BPNT1: variants seen among roughly 807,000 people sequenced by gnomAD.
The protein encoded by BPNT1 is 3'(2'),5'-bisphosphate nucleotidase 1.
A neutral mutation model predicts 36.9 loss-of-function variants in BPNT1; 28 were observed. The observed-to-expected ratio is 0.76, with a 90% CI of 0.56 to 1.04. The LOEUF (loss-of-function observed/expected upper bound fraction) is 1.04, where lower values mean the gene tolerates loss of function less well. Ranked by LOEUF, BPNT1 falls within the 50% of genes least tolerant of loss-of-function variation. BPNT1 has a pLI of 0.00. For synonymous variants in BPNT1, 119 were observed against 130.9 expected, an observed-to-expected ratio of 0.91 and a Z score of 0.62; for missense variants, 313 against 372.9, an observed-to-expected ratio of 0.84 and a Z score of 1.32.
chr1:220,077,199 C>A (rs1664628632), intron 2 of BPNT1, among the ~76,000 whole-genome samples: 1 of 152,066 alleles, frequency 6.6e-6, no homozygotes, highest in South Asian at 2.1e-4. Flanking sequence ...TATGAATGCA[C>A]CTAATCATGG....
At position 220,062,740 on chromosome 1, in the gene BPNT1, A is replaced by G. The variant is rs768535106; in HGVS notation, c.672+17T>C. On this transcript the variant is annotated intron_variant, in intron 7 of 8. Transcript: ENST00000322067. ...ATTCACTTGCACTTCAGAGCAGATGACAGACATTTTTCATACCTTATTTCC... is the reference window on the plus strand; with the variant it reads ...ATTCACTTGCACTTCAGAGCAGATGGCAGACATTTTTCATACCTTATTTCC... 6.2e-7 allele frequency: 1 copy of G among 1,613,110 alleles called. No homozygotes were observed. The highest frequency in any genetic ancestry group is 1.1e-5 in the South Asian group (1 of 91,064).
At chr1:220,084,459 T>C (rs146345698) in intron 1 of BPNT1, among the ~76,000 whole-genome samples, 108 of 152,346 alleles carry the variant, frequency 7.1e-4, no homozygotes, top group African/African-American at 2.4e-3. Flanking sequence ...ACTGGAAATG[T>C]GGTCTTTGGG....
chr1:220,073,364 C>G (rs1664250782), intron 3 of BPNT1, among the ~76,000 whole-genome samples: 1 of 151,964 alleles, frequency 6.6e-6, no homozygotes, highest in South Asian at 2.1e-4. Context: ...TCTCAGCTCA[C>G]TGCAACCTCC....
chr1:220,059,106 G>A lies in BPNT1; in HGVS notation c.779-114C>T, dbSNP rs534235234. ...ATCCAATAGTAGCCAATAAATTCTG[G>A]ATGAAATAATGAGTGTCCATAAAGG... is the stretch of plus-strand genomic sequence containing the variant. On this transcript the variant is annotated intron_variant, in intron 8 of 8. Coordinates refer to ENST00000322067, the MANE Select transcript of BPNT1 (RefSeq NM_006085.6). The A allele has an allele frequency of 9.7e-6, 10 of 1,034,320 alleles. No individual in the cohort carries two copies. The Admixed American group carries it at 1.3e-4, about 14-fold the overall frequency. 64.1% of individuals were successfully genotyped at this position (1,034,320 alleles called of 1,614,324 possible).
rs375400388 is a variant in BPNT1 at position 220,072,163 on chromosome 1, C to T, written c.333+687G>A. Reference sequence around the variant, plus strand: ...GGATCACGAGGTCAAGAGATCAAGACCATTCTGGCCAACATGGTGAAACCC... The same window carrying T: ...GGATCACGAGGTCAAGAGATCAAGATCATTCTGGCCAACATGGTGAAACCC... On this transcript the variant is annotated intron_variant, in intron 4 of 8. Transcript: ENST00000322067. 5.2e-4 allele frequency among the ~76,000 whole-genome samples: 78 copies of T among 150,678 alleles called. 1 individual carries two copies. Among genetic ancestry groups the T allele is most frequent in the African/African-American group, 1.8e-3 (73 of 41,190 alleles).
chr1:220,062,529 A>G (rs1426730971), intron 7 of BPNT1, among the ~76,000 whole-genome samples: 1 of 151,740 alleles, frequency 6.6e-6, no homozygotes, highest in East Asian at 1.9e-4. Context: ...ACATTTTCTT[A>G]ATCCAGTCTA....
chr1:220,062,736 G>A (rs1292981293), intron 7 of BPNT1, 21 bp downstream of exon 7: 2 of 1,612,284 alleles, frequency 1.2e-6, no homozygotes, highest in African/African-American at 1.3e-5. Context: ...CTTCAGAGCA[G>A]ATGACAGACA....
chr1:220,086,859 C>T (rs190546715), intron 1 of BPNT1, among the ~76,000 whole-genome samples: 3 of 151,632 alleles, frequency 2.0e-5, no homozygotes, highest in East Asian at 1.9e-4. Flanking sequence ...TGAGCCACTC[C>T]GCCCGGCCTG....
At chr1:220,079,663 T>A in intron 2 of BPNT1, 64 bp downstream of exon 2, 1 of 1,594,752 alleles carries the variant, frequency 6.3e-7, no homozygotes, top group Non-Finnish European at 8.6e-7. Context: ...CATTTTTATA[T>A]CATTTAGCTA....
intron 2 of BPNT1, among the ~76,000 whole-genome samples, chr1:220,078,450 TTATA>T (rs1294232626): frequency 7.3e-6 from 1 of 136,724 alleles, no homozygotes; most frequent in Non-Finnish European, 1.5e-5. Flanking sequence ...ATAATTATAC[TTATA>T]TATAAATAAT....
intron 1 of BPNT1, among the ~76,000 whole-genome samples, chr1:220,082,711 C>T (rs931491835): frequency 1.3e-5 from 2 of 151,284 alleles, no homozygotes; most frequent in Middle Eastern, 3.4e-3. Flanking sequence ...TTCAGCCTCC[C>T]GAGTAGCTGA....
intron 7 of BPNT1, among the ~76,000 whole-genome samples, chr1:220,060,173 A>C (rs1185400741): frequency 6.6e-6 from 1 of 152,126 alleles, no homozygotes; most frequent in Non-Finnish European, 1.5e-5. Flanking sequence ...CAACATCTAA[A>C]AAATTGACCA....
chr1:220,080,957 C>G (rs1015756422), intron 1 of BPNT1, among the ~76,000 whole-genome samples: 3 of 152,208 alleles, frequency 2.0e-5, no homozygotes, highest in African/African-American at 7.2e-5. Flanking sequence ...CCTTTAGAAT[C>G]AAGTACGTTG....
In BPNT1 at chr1:220,079,719, T is replaced by G; in HGVS notation, c.120+8A>C. 6.2e-7 allele frequency: 1 copy of G among 1,613,836 alleles called. No individual in the cohort carries two copies. The highest frequency in any genetic ancestry group is 8.5e-7 in the Non-Finnish European group (1 of 1,179,950). The stretch of plus-strand genomic sequence containing the variant: ...AGTTGGTATGAAATGATATGAGAGT[T>G]TGAGTACCTTCTCCACAATACCCAG... On this transcript the variant is annotated splice_region_variant and intron_variant, in intron 2 of 8. Coordinates refer to ENST00000322067, the MANE Select transcript of BPNT1 (RefSeq NM_006085.6).
intron 1 of BPNT1, among the ~76,000 whole-genome samples, chr1:220,083,580 G>C (rs903491873): frequency 1.3e-5 from 2 of 151,882 alleles, no homozygotes; most frequent in African/African-American, 4.8e-5. Flanking sequence ...CAAAGTGCTG[G>C]GATTACAGGT....
intron 7 of BPNT1, among the ~76,000 whole-genome samples, chr1:220,060,677 A>T (rs58990204): frequency 0.044 from 6,642 of 151,748 alleles, 378 homozygotes; most frequent in African/African-American, 0.13. Context: ...TTTTTTTTTT[A>T]AAAATATTTG....
chr1:220,087,585 T>G (rs2102790653), intron 1 of BPNT1, among the ~76,000 whole-genome samples: 1 of 152,006 alleles, frequency 6.6e-6, no homozygotes, highest in South Asian at 2.1e-4. Context: ...TAAATAAAAA[T>G]AAAATTAAAA....
At chr1:220,079,645 T>G in intron 2 of BPNT1, 82 bp downstream of exon 2, 2 of 1,546,586 alleles carry the variant, frequency 1.3e-6, no homozygotes, top group Non-Finnish European at 1.8e-6. Context: ...ACTGATAAAG[T>G]CTGTCCACAT....
chr1:220,058,234 G>A lies in BPNT1; in HGVS notation c.*610C>T. 1.0e-6 allele frequency: 1 copy of A among 990,998 alleles called. No homozygotes were observed. Among genetic ancestry groups the A allele is most frequent in the Non-Finnish European group, 1.2e-6 (1 of 832,776 alleles). The allele number at this position is 990,998 out of a possible 1,614,324, so 61.4% of individuals were successfully genotyped here. A position where few individuals can be genotyped will look rare whatever the true frequency, so the allele number is the denominator to read the frequency against. On this transcript the variant is annotated 3_prime_UTR_variant, in exon 9 of 9. Coordinates refer to ENST00000322067, the MANE Select transcript of BPNT1 (RefSeq NM_006085.6). Reference sequence around the variant, plus strand: ...AGGAATGTTCATTGAACATTGACCTGAACTGTCAATTGGAACTAAAGCTTT... The same window carrying A: ...AGGAATGTTCATTGAACATTGACCTAAACTGTCAATTGGAACTAAAGCTTT...
Sources: allele counts gnomAD v4.1 joint callset (sites outside exome capture counted in the v4.1 genomes callset), GRCh38; gene constraint gnomAD v4.1.1; transcripts MANE v1.5; gene names NCBI Gene and HGNC (gene_info 2026-07-23, HGNC 2026-07-21).